GOLPH3: variants seen among roughly 807,000 people sequenced by gnomAD.
The protein encoded by GOLPH3 is coat protein GPP34.
GOLPH3 carries 14 observed loss-of-function variants against 28.5 expected under a neutral mutation model. The ratio of observed to expected loss-of-function variants is 0.49; its 90% CI spans 0.32 to 0.77. GOLPH3 has a LOEUF of 0.77. Among genes scored for constraint, GOLPH3 ranks in the 30% least tolerant of loss-of-function variants. The probability of loss-of-function intolerance (pLI) is 0.03; values close to 1 mark genes in which losing one functional copy is unlikely to be tolerated. For synonymous variants in GOLPH3, 158 were observed against 159.2 expected, an observed-to-expected ratio of 0.99 and a Z score of 0.06; for missense variants, 350 against 393.7, an observed-to-expected ratio of 0.89 and a Z score of 0.94.
chr5:32,156,952 T>G (rs1181457800), intron 1 of GOLPH3, among the ~76,000 whole-genome samples: 1 of 152,214 alleles, frequency 6.6e-6, no homozygotes, highest in Non-Finnish European at 1.5e-5. Flanking sequence ...ACAAAACCAG[T>G]AAAGTAACTA....
chr5:32,173,860 G>C lies in GOLPH3; in HGVS notation c.175C>G (p.Arg59Gly), dbSNP rs779778887. Reference protein sequence around the residue: ...DDDKGDSKETRLTLMEEVLLL... With the variant: ...DDDKGDSKETGLTLMEEVLLL... ...AGCACTTCCTCCATCAGGGTCAGCC[G>C]CGTTTCCTTGGAGTCGCCCTTGTCG... The change falls in exon 1 of 4, where the codon CGG becomes GGG. Residue 59 changes from arginine (R) to glycine (G), a missense_variant. By Grantham distance (125) the Arg-to-Gly change is moderately radical. Transcript: ENST00000265070. 1.3e-6 allele frequency: 2 copies of C among 1,525,328 alleles called. No individual in the cohort carries two copies. The highest frequency in any genetic ancestry group is 2.7e-5 in the East Asian group (1 of 36,722). 94.5% of individuals were successfully genotyped at this position (1,525,328 alleles called of 1,614,324 possible).
chr5:32,153,445 T>C (rs1487745580), intron 1 of GOLPH3, among the ~76,000 whole-genome samples: 3 of 147,590 alleles, frequency 2.0e-5, no homozygotes, highest in African/African-American at 7.4e-5. Context: ...TCCTGAAGAA[T>C]GAAAACAACC....
At chr5:32,135,721 G>A (rs746530888) in intron 2 of GOLPH3, 35 bp from the exon 3 acceptor site, 2 of 1,262,658 alleles carry the variant, frequency 1.6e-6, no homozygotes, top group African/African-American at 1.5e-5. Context: ...AAGGATCCAC[G>A]AATGCCTTTT....
chr5:32,148,375 A>C (rs1746224738), intron 1 of GOLPH3, among the ~76,000 whole-genome samples: 1 of 152,238 alleles, frequency 6.6e-6, no homozygotes, highest in South Asian at 2.1e-4. Context: ...ATAGGCATAA[A>C]GTACTCAAAA....
intron 1 of GOLPH3, among the ~76,000 whole-genome samples, chr5:32,157,258 T>C (rs1433889935): frequency 6.6e-6 from 1 of 152,132 alleles, no homozygotes; most frequent in Non-Finnish European, 1.5e-5. Flanking sequence ...ATCATCCTTA[T>C]GGGGATTCCA....
rs539684885 is a variant in GOLPH3, at chr5:32,125,062, T to A, written c.*1150A>T. 3.9e-5 allele frequency: 6 copies of A among 152,718 alleles called. No individual in the cohort carries two copies. The highest frequency in any genetic ancestry group is 2.0e-4 in the Admixed American group (3 of 15,286). 9.5% of individuals were successfully genotyped at this position (152,718 alleles called of 1,614,324 possible). A position where few individuals can be genotyped will look rare whatever the true frequency, so the allele number is the denominator to read the frequency against. ...AATTATCCTAATTGTATATAAAAAA[T>A]TAAAACATAGAGCTTTCTGTTACAA... On this transcript the variant is annotated 3_prime_UTR_variant, in exon 4 of 4. Transcript: ENST00000265070.
At chr5:32,171,077 A>C (rs1746823427) in intron 1 of GOLPH3, among the ~76,000 whole-genome samples, 1 of 152,210 alleles carries the variant, frequency 6.6e-6, no homozygotes, top group Non-Finnish European at 1.5e-5. Flanking sequence ...AATTGTTTAA[A>C]TTATGTGAGT....
chr5:32,158,432 C>A (rs1746503400), intron 1 of GOLPH3, among the ~76,000 whole-genome samples: 1 of 152,124 alleles, frequency 6.6e-6, no homozygotes, highest in Admixed American at 6.6e-5. Context: ...TACCTTAAAT[C>A]TCTAACATGT....
intron 3 of GOLPH3, among the ~76,000 whole-genome samples, chr5:32,127,889 C>T (rs1347039696): frequency 6.6e-6 from 1 of 152,050 alleles, no homozygotes; most frequent in Non-Finnish European, 1.5e-5. Flanking sequence ...TTGAGTGCAG[C>T]CTATGTGAGC....
At chr5:32,156,237 C>G (rs1746423453) in intron 1 of GOLPH3, among the ~76,000 whole-genome samples, 1 of 152,064 alleles carries the variant, frequency 6.6e-6, no homozygotes, top group African/African-American at 2.4e-5. Flanking sequence ...GTAGCTCATG[C>G]CTGTAATCCC....
At chr5:32,138,400 T>C (rs1745983696) in intron 2 of GOLPH3, among the ~76,000 whole-genome samples, 2 of 152,158 alleles carry the variant, frequency 1.3e-5, no homozygotes, top group Admixed American at 1.3e-4. Flanking sequence ...TTTATTATTA[T>C]TATACTTTAA....
At chr5:32,142,437 T>A (rs1361775781) in intron 2 of GOLPH3, among the ~76,000 whole-genome samples, 1 of 139,028 alleles carries the variant, frequency 7.2e-6, no homozygotes, top group Non-Finnish European at 1.5e-5. Context: ...GTGAGGAGCG[T>A]CTCCGCCCGG....
At chr5:32,137,935 A>G (rs981076058) in intron 2 of GOLPH3, among the ~76,000 whole-genome samples, 41 of 138,358 alleles carry the variant, frequency 3.0e-4, no homozygotes, top group Admixed American at 1.0e-3. Flanking sequence ...ATGGAGTCTC[A>G]CTCTGTTGCC....
At chr5:32,166,690 CCTAG>C (rs934795525) in intron 1 of GOLPH3, among the ~76,000 whole-genome samples, 7 of 152,014 alleles carry the variant, frequency 4.6e-5, no homozygotes, top group African/African-American at 1.7e-4. Context: ...CGCCTGTAAT[CCTAG>C]CTACTTGGGA....
At chr5:32,152,970 T>C (rs1198734232) in intron 1 of GOLPH3, among the ~76,000 whole-genome samples, 1 of 152,104 alleles carries the variant, frequency 6.6e-6, no homozygotes, top group Non-Finnish European at 1.5e-5. Context: ...CAATTCTACT[T>C]CTAAGGAATC....
intron 2 of GOLPH3, among the ~76,000 whole-genome samples, chr5:32,142,261 G>A (rs976370845): frequency 6.7e-6 from 1 of 149,826 alleles, no homozygotes; most frequent in Non-Finnish European, 1.5e-5. Context: ...CTGCCGCCCC[G>A]TCCGGGATGT....
intron 1 of GOLPH3, 53 bp from the exon 2 acceptor site, chr5:32,143,933 C>CA: frequency 1.5e-6 from 2 of 1,297,862 alleles, no homozygotes; most frequent in Non-Finnish European, 2.1e-6. Context: ...ACCTTGAATT[C>CA]AGAGTAAAAA....
Position 32,143,821 on chromosome 5 carries a change from A to T in GOLPH3, c.285T>A (p.Ile95=), listed in dbSNP as rs1746135991. Residue 95 remains isoleucine (I), a synonymous_variant, in exon 2 of 4, where the codon ATT becomes ATA. Transcript: ENST00000265070. ...ISSGLRGCML[I]ELALRGRLQL... ...GTAACCTTCCTCTCAATGCTAATTC[A>T]ATTAACATACAGCCACGTAATCCAG... The T allele has an allele frequency of 6.2e-7, 1 of 1,603,034 alleles. No individual in the cohort carries two copies. The highest frequency in any genetic ancestry group is 1.7e-5 in the Admixed American group (1 of 57,538).
intron 1 of GOLPH3, among the ~76,000 whole-genome samples, chr5:32,171,273 T>C (rs1456106991): frequency 4.6e-5 from 7 of 151,994 alleles, no homozygotes; most frequent in Admixed American, 4.6e-4. Context: ...CAATAGCTGA[T>C]GAGCTTTAAA....
Sources: allele counts gnomAD v4.1 joint callset (sites outside exome capture counted in the v4.1 genomes callset), GRCh38; gene constraint gnomAD v4.1.1; transcripts MANE v1.5; gene names NCBI Gene and HGNC (gene_info 2026-07-23, HGNC 2026-07-21).